Variants in PCBP3 observed in about 807,000 individuals in gnomAD.
PCBP3 encodes poly(rC)-binding protein 3.
A neutral mutation model predicts 52.7 loss-of-function variants in PCBP3; 25 were observed. That is an observed-to-expected ratio of 0.47 (90% confidence interval 0.35 to 0.66). PCBP3 has a LOEUF of 0.66. PCBP3 is among the 30% of genes least tolerant of loss of function. PCBP3 has a pLI of 0.01. For synonymous variants in PCBP3, 162 were observed against 183.0 expected (o/e 0.89, Z 0.93); for missense variants, 391 against 490.3 (o/e 0.80, Z 1.91).
At chr21:45,777,450 T>C (rs2090340818) in intron 4 of PCBP3, among the ~76,000 whole-genome samples, 1 of 152,242 alleles carries the variant, frequency 6.6e-6, no homozygotes, top group Non-Finnish European at 1.5e-5. Flanking sequence ...TTTATCTAAA[T>C]GTCTAAATCT....
chr21:45,683,299 GGAA>G (rs2081960516), intron 2 of PCBP3, among the ~76,000 whole-genome samples: 1 of 152,102 alleles, frequency 6.6e-6, no homozygotes, highest in South Asian at 2.1e-4. Flanking sequence ...AGAAAGAATA[GGAA>G]GGAATTGCAG....
At chr21:45,899,104 A>T (rs2095949789) in intron 6 of PCBP3, among the ~76,000 whole-genome samples, 1 of 152,262 alleles carries the variant, frequency 6.6e-6, no homozygotes, top group South Asian at 2.1e-4. Flanking sequence ...GTGTCCCGAA[A>T]CTGCCTTGGG....
intron 5 of PCBP3, among the ~76,000 whole-genome samples, chr21:45,891,713 A>G (rs528346287): frequency 6.6e-6 from 1 of 152,216 alleles, no homozygotes; most frequent in Non-Finnish European, 1.5e-5. Context: ...TTAACCATCA[A>G]TGATACCTTT....
chr21:45,911,276 G>A (rs754208480), intron 11 of PCBP3: 10 of 569,788 alleles, frequency 1.8e-5, no homozygotes, highest in Non-Finnish European at 3.2e-5. Context: ...TGGAGAGGAG[G>A]GAGCCTCTCC....
intron 9 of PCBP3, among the ~76,000 whole-genome samples, chr21:45,903,641 A>G (rs1306244991): frequency 6.6e-6 from 1 of 152,226 alleles, no homozygotes; most frequent in African/African-American, 2.4e-5. Flanking sequence ...AGAAAATAGA[A>G]AAGGGACCAT....
chr21:45,836,261 G>A (rs1461719524), intron 4 of PCBP3: 2 of 152,358 alleles, frequency 1.3e-5, no homozygotes, highest in Non-Finnish European at 2.9e-5. Context: ...CTCCAAAGTG[G>A]ACCCTGACTC....
intron 4 of PCBP3, among the ~76,000 whole-genome samples, chr21:45,784,417 T>C (rs1219605620): frequency 4.5e-4 from 60 of 134,028 alleles, no homozygotes; most frequent in African/African-American, 1.7e-3. Flanking sequence ...CCGCTACCGC[T>C]ACCCCTACCT....
chr21:45,793,300 C>G (rs960705052), intron 4 of PCBP3, among the ~76,000 whole-genome samples: 2 of 152,092 alleles, frequency 1.3e-5, no homozygotes, highest in African/African-American at 2.4e-5. Context: ...ATTGAGAACG[C>G]AGACCCAGAA....
intron 5 of PCBP3, among the ~76,000 whole-genome samples, chr21:45,890,043 T>C (rs4819162): frequency 0.46 from 70,630 of 152,242 alleles, 18,093 homozygotes; most frequent in African/African-American, 0.69. Context: ...ACTTGGCCCA[T>C]GCCAGGGGCT....
intron 15 of PCBP3, among the ~76,000 whole-genome samples, chr21:45,931,473 G>C (rs1011304601): frequency 6.6e-6 from 1 of 152,254 alleles, no homozygotes; most frequent in Non-Finnish European, 1.5e-5. Flanking sequence ...GCCACAGCAG[G>C]GTTAAATTGG....
intron 4 of PCBP3, among the ~76,000 whole-genome samples, chr21:45,773,156 C>G (rs191451523): frequency 6.6e-5 from 10 of 152,096 alleles, no homozygotes; most frequent in Non-Finnish European, 1.5e-4. Context: ...TTTGCCTAGA[C>G]CAATGTCCGG....
intron 1 of PCBP3, among the ~76,000 whole-genome samples, chr21:45,649,471 C>T (rs1046919250): frequency 1.3e-5 from 2 of 152,022 alleles, no homozygotes; most frequent in Admixed American, 1.3e-4. Context: ...GATAGAGATC[C>T]AATTTTAAAT....
chr21:45,821,157 C>T lies in PCBP3; in HGVS notation c.-125-28804C>T, dbSNP rs1361580576. Among the ~76,000 whole-genome samples the T allele has an allele frequency of 2.0e-5, 3 of 152,160 alleles. No homozygotes were observed. Among genetic ancestry groups the T allele is most frequent in the Non-Finnish European group, 4.4e-5 (3 of 68,028 alleles). On this transcript the variant is annotated intron_variant, in intron 4 of 17. Transcript: ENST00000681687. This position sits in a 1 kb window ranked among gnomAD's most constrained non-coding sequence, Gnocchi z 4.4. ...GAGAACAGCATCTTTCAACTCTTGA[C>T]CTGCTCCCCCTTCCCGGTTCCCACT...
Position 45,826,626 on chromosome 21 carries a change from T to A in PCBP3, c.-125-23335T>A, listed in dbSNP as rs1348714931. On this transcript the variant is annotated intron_variant, in intron 4 of 17. Transcript: ENST00000681687. ...TATATAAAACATGCATAAAAGATTC[T>A]GAAAGGTGGGAAGAAGAAGGCCAGC... Among the ~76,000 whole-genome samples the A allele has an allele frequency of 3.9e-5, 6 of 152,182 alleles. No homozygotes were observed. In the East Asian group the frequency reaches 7.7e-4, roughly 20 times the overall value.
intron 4 of PCBP3, among the ~76,000 whole-genome samples, chr21:45,792,326 A>G (rs1052463741): frequency 6.6e-6 from 1 of 152,134 alleles, no homozygotes; most frequent in Non-Finnish European, 1.5e-5. Flanking sequence ...GGCTCAGTGG[A>G]GGGTCTGGCT....
chr21:45,750,164 G>C (rs1470950123), intron 3 of PCBP3: 2 of 152,266 alleles, frequency 1.3e-5, no homozygotes, highest in African/African-American at 4.8e-5. Flanking sequence ...TGGGATGTGA[G>C]GTTGCCGACT....
chr21:45,662,915 T>A (rs1389621507), intron 1 of PCBP3, among the ~76,000 whole-genome samples: 1 of 152,024 alleles, frequency 6.6e-6, no homozygotes, highest in Non-Finnish European at 1.5e-5. Flanking sequence ...AGTCTCCCTT[T>A]CCCTGGGGGA....
At chr21:45,852,046 G>T (rs2094030431) in intron 5 of PCBP3, among the ~76,000 whole-genome samples, 1 of 152,170 alleles carries the variant, frequency 6.6e-6, no homozygotes, top group African/African-American at 2.4e-5. Context: ...TTAACAATAG[G>T]GTGACTATAG....
intron 4 of PCBP3, among the ~76,000 whole-genome samples, chr21:45,825,371 A>G (rs1470245383): frequency 6.6e-6 from 1 of 152,026 alleles, no homozygotes; most frequent in Admixed American, 6.6e-5. Flanking sequence ...CTCTTAGGAA[A>G]TGAGGCAAGG....
Sources: allele counts gnomAD v4.1 joint callset (sites outside exome capture counted in the v4.1 genomes callset), GRCh38; gene constraint gnomAD v4.1.1; non-coding constraint Gnocchi (gnomAD v3.1); transcripts MANE v1.5; gene names NCBI Gene and HGNC (gene_info 2026-07-23, HGNC 2026-07-21).